Variants in TMPRSS12 observed in about 807,000 individuals in gnomAD.
TMPRSS12 encodes transmembrane serine protease 12.
Under a neutral mutation model 26.0 loss-of-function variants are expected in TMPRSS12, and 25 were observed. That is an observed-to-expected ratio of 0.96 (90% CI 0.70 to 1.34). The LOEUF is 1.34. Ranked by LOEUF, TMPRSS12 falls within the 40% of genes most tolerant of loss-of-function variation. TMPRSS12 has a pLI of 0.00. For missense variants in TMPRSS12, 441 were observed against 440.1 expected (o/e 1.00, Z -0.02); for synonymous variants, 150 against 161.7 (o/e 0.93, Z 0.55).
At chr12:50,878,532 C>G (rs953249787) in intron 3 of TMPRSS12, among the ~76,000 whole-genome samples, 23 of 152,104 alleles carry the variant, frequency 1.5e-4, no homozygotes, top group African/African-American at 5.3e-4. Flanking sequence ...GAGCCATGAT[C>G]ATGTCACTGC....
At chr12:50,857,890 A>G (rs1937896155) in intron 2 of TMPRSS12, among the ~76,000 whole-genome samples, 1 of 151,894 alleles carries the variant, frequency 6.6e-6, no homozygotes, top group South Asian at 2.1e-4. Context: ...GTGCAGTGGC[A>G]CGATCTCGGC....
chr12:50,874,940 A>G (rs1018795535), intron 3 of TMPRSS12, among the ~76,000 whole-genome samples: 26 of 152,226 alleles, frequency 1.7e-4, no homozygotes, highest in African/African-American at 6.0e-4. Flanking sequence ...ATCATAGATG[A>G]CACAAACAAA....
At chr12:50,876,283 A>C (rs1000700802) in intron 3 of TMPRSS12, among the ~76,000 whole-genome samples, 1 of 152,242 alleles carries the variant, frequency 6.6e-6, no homozygotes, top group African/African-American at 2.4e-5. Context: ...AGGAATGCTT[A>C]CACACTGCTG....
chr12:50,858,708 GA>G, intron 2 of TMPRSS12, 76 bp from the exon 3 acceptor site: 1 of 1,162,716 alleles, frequency 8.6e-7, no homozygotes. Flanking sequence ...AACATGAGAA[GA>G]AAACTAGTGG....
chr12:50,882,000 T>A (rs1179887085), intron 3 of TMPRSS12, among the ~76,000 whole-genome samples: 8 of 10,768 alleles, frequency 7.4e-4, no homozygotes, highest in African/African-American at 1.0e-3. Flanking sequence ...AAAAAAAAAA[T>A]ATATATATAT....
rs1216656804 is a variant in TMPRSS12 at position 50,842,937 on chromosome 12, G to A, written c.-28G>A. 1 of 1,544,516 alleles carries A rather than the reference G, an allele frequency of 6.5e-7. No individual in the cohort carries two copies. Among genetic ancestry groups the A allele is most frequent in the Admixed American group, 2.0e-5 (1 of 51,246 alleles). ...TGCCCAGGGCGGGTGGGAAGTACCT[G>A]CCGCCATCTTGCTCACCAGCCTCCA... is the stretch of plus-strand genomic sequence containing the variant. On this transcript the variant is annotated 5_prime_UTR_variant, in exon 1 of 5. Transcript: ENST00000398458.
At chr12:50,854,976 T>G (rs1013996644) in intron 2 of TMPRSS12, among the ~76,000 whole-genome samples, 6 of 152,166 alleles carry the variant, frequency 3.9e-5, no homozygotes, top group African/African-American at 1.4e-4. Context: ...AAAATTCACG[T>G]GGAACCAAAA....
At chr12:50,883,473 G>T (rs1192620640) in intron 3 of TMPRSS12, among the ~76,000 whole-genome samples, 1 of 151,992 alleles carries the variant, frequency 6.6e-6, no homozygotes, top group Non-Finnish European at 1.5e-5. Context: ...GAATTGCTTG[G>T]GCCCATTCAA....
chr12:50,867,703 G>T (rs982660424), intron 3 of TMPRSS12, among the ~76,000 whole-genome samples: 2 of 152,192 alleles, frequency 1.3e-5, no homozygotes, highest in Non-Finnish European at 2.9e-5. Context: ...GTGAAGGAAA[G>T]AATCTTAAGA....
At chr12:50,849,292 C>T (rs1937802516) in intron 2 of TMPRSS12, among the ~76,000 whole-genome samples, 1 of 152,138 alleles carries the variant, frequency 6.6e-6, no homozygotes, top group South Asian at 2.1e-4. Context: ...CTTTTTCGTA[C>T]AGCCAGTCCT....
chr12:50,858,074 C>A (rs552113203), intron 2 of TMPRSS12, among the ~76,000 whole-genome samples: 1 of 152,282 alleles, frequency 6.6e-6, no homozygotes, highest in Admixed American at 6.5e-5. Context: ...GATCTCCTGA[C>A]CTCGTGATCT....
intron 3 of TMPRSS12, among the ~76,000 whole-genome samples, chr12:50,877,639 C>T (rs1253504217): frequency 1.3e-5 from 2 of 152,220 alleles, no homozygotes; most frequent in Non-Finnish European, 2.9e-5. Context: ...CTCACTCTTT[C>T]ACCCAGGGTG....
intron 2 of TMPRSS12, among the ~76,000 whole-genome samples, chr12:50,846,281 T>G (rs896701972): frequency 4.6e-5 from 7 of 152,182 alleles, no homozygotes; most frequent in African/African-American, 1.7e-4. Context: ...AGCTCTTAGA[T>G]TTAGGTCTTT....
chr12:50,887,127 T>A, intron 4 of TMPRSS12, 135 bp from the exon 5 acceptor site: 1 of 929,284 alleles, frequency 1.1e-6, no homozygotes, highest in Non-Finnish European at 1.5e-6. Flanking sequence ...AATCTAGTGA[T>A]CTTTATAAAT....
At chr12:50,859,441 C>A (rs1044940177) in intron 3 of TMPRSS12, among the ~76,000 whole-genome samples, 1 of 152,116 alleles carries the variant, frequency 6.6e-6, no homozygotes, top group Non-Finnish European at 1.5e-5. Context: ...GTCTTGAACT[C>A]CCAACCTCAG....
intron 3 of TMPRSS12, among the ~76,000 whole-genome samples, chr12:50,863,047 G>A (rs1322336820): frequency 6.6e-6 from 1 of 152,010 alleles, no homozygotes; most frequent in East Asian, 1.9e-4. Flanking sequence ...AGCCAGGTAT[G>A]GTAGTGCATG....
At position 50,872,658 on chromosome 12, in the gene TMPRSS12, C is replaced by T. The variant is rs538411784; in HGVS notation, c.653-12588C>T. Among the ~76,000 whole-genome samples, 292 of 81,372 alleles carry T rather than the reference C, an allele frequency of 3.6e-3. 72 individuals carry two copies. Among genetic ancestry groups the T allele is most frequent in the African/African-American group, 0.013 (275 of 20,838 alleles). 53.4% of individuals were successfully genotyped at this position (81,372 alleles called of 152,430 possible). On this transcript the variant is annotated intron_variant, in intron 3 of 4. Transcript: ENST00000398458. ...ATATGACGTATATGTACATATATGA[C>T]GTATATGTACATATATATGACGTAT... is the stretch of plus-strand genomic sequence containing the variant.
chr12:50,875,476 C>A, intron 3 of TMPRSS12, among the ~76,000 whole-genome samples: 1 of 105,570 alleles, frequency 9.5e-6, no homozygotes, highest in Non-Finnish European at 1.8e-5. Context: ...GGCGACAGAG[C>A]AAGACTCCAT....
At chr12:50,872,517 C>T in intron 3 of TMPRSS12, among the ~76,000 whole-genome samples, 1 of 47,382 alleles carries the variant, frequency 2.1e-5, no homozygotes, top group Non-Finnish European at 3.0e-5. Context: ...GAGACTCCGT[C>T]TCAAAAAAAA....
Sources: allele counts gnomAD v4.1 joint callset (sites outside exome capture counted in the v4.1 genomes callset), GRCh38; gene constraint gnomAD v4.1.1; transcripts MANE v1.5; gene names NCBI Gene and HGNC (gene_info 2026-07-23, HGNC 2026-07-21).